The following DYSF variants were observed in gnomAD, a reference collection of about 807,000 sequenced individuals.
The protein encoded by DYSF is dysferlin, also known as dystrophy-associated fer-1-like 1.
A neutral mutation model predicts 274.9 loss-of-function variants in DYSF; 212 were observed. That is an observed-to-expected ratio of 0.77 (90% CI 0.69 to 0.86). The LOEUF is 0.86. Among genes scored for constraint, DYSF ranks in the 40% least tolerant of loss-of-function variants. The pLI is 0.00. For synonymous variants in DYSF, 1,091 were observed against 1,078.7 expected (o/e 1.01, Z -0.22); for missense variants, 2,666 against 2,783.2 (o/e 0.96, Z 0.95).
At chr2:71,586,896 C>T (rs1238446343) in intron 30 of DYSF, among the ~76,000 whole-genome samples, 1 of 152,152 alleles carries the variant, frequency 6.6e-6, no homozygotes, top group Non-Finnish European at 1.5e-5. Context: ...GGTAGACGGA[C>T]CACAGAGTCC....
At chr2:71,456,977 C>T (rs764409115) in intron 1 of DYSF, among the ~76,000 whole-genome samples, 2 of 152,114 alleles carry the variant, frequency 1.3e-5, no homozygotes, top group African/African-American at 2.4e-5. Context: ...GCTGCAGGAG[C>T]ATGGTGTGAA....
intron 32 of DYSF, among the ~76,000 whole-genome samples, chr2:71,590,782 G>T (rs2093241040): frequency 6.6e-6 from 1 of 152,142 alleles, no homozygotes; most frequent in Admixed American, 6.5e-5. Flanking sequence ...TGGCCCTGGG[G>T]TTGGCAGCCA....
At chr2:71,657,941 C>T (rs1227562423) in intron 43 of DYSF, among the ~76,000 whole-genome samples, 1 of 152,208 alleles carries the variant, frequency 6.6e-6, no homozygotes, top group Non-Finnish European at 1.5e-5. Flanking sequence ...CTCCTTGCTA[C>T]TTATGCAAAT....
chr2:71,544,691 C>G lies in DYSF; in HGVS notation c.1576+5452C>G, dbSNP rs536915053. Among the ~76,000 whole-genome samples the G allele has an allele frequency of 7.2e-5, 11 of 152,206 alleles. 1 individual carries two copies. In the East Asian group the frequency reaches 1.4e-3, roughly 19 times the overall value. On this transcript the variant is annotated intron_variant, in intron 17 of 55. Transcript: ENST00000410020. ...GGCCAGGCTGGTCTCGAACTCCTGA[C>G]CTGAGGTGATCCACCTGCCTTGGCC... is the stretch of plus-strand genomic sequence containing the variant.
chr2:71,679,048 C>T lies in DYSF; in HGVS notation c.5885-9C>T. 3 of 1,613,838 alleles carry T rather than the reference C, an allele frequency of 1.9e-6. No homozygotes were observed. Among genetic ancestry groups the T allele is most frequent in the Non-Finnish European group, 2.5e-6 (3 of 1,179,800 alleles). ...AAACCCTTGGCCAAAAACTACCTCT[C>T]TGTTGCAGGCTCCCTGCAGCTCGAT... On this transcript the variant is annotated splice_polypyrimidine_tract_variant and intron_variant, in intron 52 of 55. Coordinates refer to ENST00000410020, the MANE Select transcript of DYSF (RefSeq NM_001130987.2).
chr2:71,684,866 C>T (rs1484262276), intron 55 of DYSF, among the ~76,000 whole-genome samples: 1 of 152,218 alleles, frequency 6.6e-6, no homozygotes, highest in Non-Finnish European at 1.5e-5. Context: ...GAAGGGGCTG[C>T]ACTAGGTTAG....
At chr2:71,560,669 T>C (rs1300023518) in intron 22 of DYSF, among the ~76,000 whole-genome samples, 1 of 152,182 alleles carries the variant, frequency 6.6e-6, no homozygotes. Context: ...GCGGTGTATC[T>C]GGCGGCGGCG....
chr2:71,663,752 G>A (rs2094944148), intron 45 of DYSF, among the ~76,000 whole-genome samples: 1 of 152,218 alleles, frequency 6.6e-6, no homozygotes, highest in Admixed American at 6.5e-5. Flanking sequence ...AAGTGGATGT[G>A]AAGAGTCCAG....
At chr2:71,458,726 G>A (rs2081167728) in intron 1 of DYSF, among the ~76,000 whole-genome samples, 1 of 152,186 alleles carries the variant, frequency 6.6e-6, no homozygotes, top group African/African-American at 2.4e-5. Flanking sequence ...AGCAGAGAGA[G>A]CGTTCACATC....
chr2:71,660,489 A>C (rs1440106675), intron 44 of DYSF, 71 bp from the exon 45 acceptor site: 1 of 1,330,010 alleles, frequency 7.5e-7, no homozygotes, highest in South Asian at 1.2e-5. Flanking sequence ...ATCCAGAGGC[A>C]AGGCACTCAT....
At position 71,585,572 on chromosome 2, in the gene DYSF, C is replaced by A. The variant is rs1225101432; in HGVS notation, c.3403-4021C>A. ...CACGCTGATGTCCACACCTGAAAAC[C>A]AGAATGTACTTCAAAATCAAGAAGG... On this transcript the variant is annotated intron_variant, in intron 30 of 55. Coordinates refer to ENST00000410020, the MANE Select transcript of DYSF (RefSeq NM_001130987.2). 2.6e-5 allele frequency among the ~76,000 whole-genome samples: 4 copies of A among 152,152 alleles called. No individual in the cohort carries two copies. In the East Asian group the frequency reaches 7.7e-4, roughly 29 times the overall value.
chr2:71,652,450 G>A, intron 42 of DYSF, among the ~76,000 whole-genome samples: 1 of 152,148 alleles, frequency 6.6e-6, no homozygotes, highest in East Asian at 1.9e-4. Flanking sequence ...AAATCTAGTG[G>A]AAGAAAGATT....
intron 3 of DYSF, among the ~76,000 whole-genome samples, chr2:71,482,327 G>T (rs2082984240): frequency 6.6e-6 from 1 of 152,242 alleles, no homozygotes; most frequent in Non-Finnish European, 1.5e-5. Flanking sequence ...GCCCAGGCCA[G>T]TGAGGGCAGA....
chr2:71,592,921 G>C (rs1270246963), intron 32 of DYSF, among the ~76,000 whole-genome samples: 1 of 152,198 alleles, frequency 6.6e-6, no homozygotes, highest in Non-Finnish European at 1.5e-5. Context: ...TTGAACTTGG[G>C]AGAGGGAGGC....
intron 31 of DYSF, among the ~76,000 whole-genome samples, 194 bp from the exon 32 acceptor site, chr2:71,590,017 T>C (rs971914558): frequency 3.9e-5 from 6 of 152,058 alleles, no homozygotes; most frequent in African/African-American, 1.2e-4. Context: ...CCCAAGGACA[T>C]GTTAATTAGT....
intron 32 of DYSF, among the ~76,000 whole-genome samples, chr2:71,593,481 A>C (rs759089457): frequency 6.6e-6 from 1 of 152,086 alleles, no homozygotes; most frequent in Non-Finnish European, 1.5e-5. Flanking sequence ...CTGCTTTGTG[A>C]ACATCTGTTG....
chr2:71,463,996 C>A (rs528150727), upstream of DYSF, among the ~76,000 whole-genome samples: 1 of 152,142 alleles, frequency 6.6e-6, no homozygotes, highest in East Asian at 1.9e-4. Context: ...AGGGTCCAAG[C>A]AGCTAGAGAA....
chr2:71,579,167 T>C (rs1331085854), intron 30 of DYSF, among the ~76,000 whole-genome samples: 2 of 152,038 alleles, frequency 1.3e-5, no homozygotes, highest in Non-Finnish European at 2.9e-5. Flanking sequence ...GCCACCGGCC[T>C]CTCTGGGAAC....
At position 71,520,641 on chromosome 2, in the gene DYSF, C is replaced by T. The variant is rs991335830; in HGVS notation, c.1034-148C>T. On this transcript the variant is annotated intron_variant, in intron 11 of 55. Transcript: ENST00000410020. Reference sequence around the variant, plus strand: ...CTGACCACATGAACACTCAAAGTACCTTTTGATTCTAGAATCTGAGTCCTG... The same window carrying T: ...CTGACCACATGAACACTCAAAGTACTTTTTGATTCTAGAATCTGAGTCCTG... 4.1e-6 allele frequency: 3 copies of T among 730,110 alleles called. No individual in the cohort carries two copies. In the African/African-American group the frequency reaches 5.2e-5, roughly 13 times the overall value. 45.2% of individuals were successfully genotyped at this position (730,110 alleles called of 1,614,324 possible).
Sources: allele counts gnomAD v4.1 joint callset (sites outside exome capture counted in the v4.1 genomes callset), GRCh38; gene constraint gnomAD v4.1.1; transcripts MANE v1.5; gene names NCBI Gene and HGNC (gene_info 2026-07-23, HGNC 2026-07-21).